CNTN5: variants seen among roughly 807,000 people sequenced by gnomAD.
CNTN5 encodes the protein contactin 5.
In CNTN5, 77 loss-of-function variants were observed where a neutral mutation model predicts 129.1. The observed-to-expected ratio is 0.60, with a 90% CI of 0.50 to 0.72. The LOEUF (loss-of-function observed/expected upper bound fraction) is 0.72, where lower values mean the gene tolerates loss of function less well. Among genes scored for constraint, CNTN5 ranks in the 30% least tolerant of loss-of-function variants. The pLI is 0.00. For synonymous variants in CNTN5, 509 were observed against 465.6 expected (o/e 1.09, Z -1.20); for missense variants, 1,478 against 1,328.8 (o/e 1.11, Z -1.75).
intron 1 of CNTN5, among the ~76,000 whole-genome samples, chr11:99,163,406 A>C (rs1860712732): frequency 6.2e-5 from 1 of 16,240 alleles, no homozygotes; most frequent in South Asian, 1.9e-3. Flanking sequence ...ATATTATTTG[A>C]GTTATGTATG....
At chr11:100,336,611 T>C (rs1175302460) in intron 21 of CNTN5, among the ~76,000 whole-genome samples, 1 of 152,228 alleles carries the variant, frequency 6.6e-6, no homozygotes, top group African/African-American at 2.4e-5. Flanking sequence ...TGATTTTACA[T>C]AGAGAGTTCA....
intron 13 of CNTN5, among the ~76,000 whole-genome samples, chr11:100,087,485 CAA>C (rs1356640124): frequency 6.6e-6 from 1 of 151,610 alleles, no homozygotes; most frequent in Non-Finnish European, 1.5e-5. Flanking sequence ...CAAAATTTGC[CAA>C]AGACAATATG....
At chr11:99,374,998 G>T (rs1940075647) in intron 2 of CNTN5, among the ~76,000 whole-genome samples, 1 of 152,100 alleles carries the variant, frequency 6.6e-6, no homozygotes, top group Admixed American at 6.5e-5. Flanking sequence ...AAGGAAACTA[G>T]ATCTGAAGAA....
At chr11:99,496,967 T>C (rs1356377186) in intron 2 of CNTN5, among the ~76,000 whole-genome samples, 1 of 152,220 alleles carries the variant, frequency 6.6e-6, no homozygotes, top group Non-Finnish European at 1.5e-5. Context: ...AATTCAAGTA[T>C]ACACTTCCAG....
chr11:99,048,309 G>T (rs1211060375), intron 1 of CNTN5, among the ~76,000 whole-genome samples: 1 of 151,900 alleles, frequency 6.6e-6, no homozygotes, highest in Non-Finnish European at 1.5e-5. Context: ...ACAGAACAAG[G>T]GTATCTCAGT....
rs540190462 is a variant in CNTN5 at position 99,667,860 on chromosome 11, C to T, written c.55+111591C>T. Among the ~76,000 whole-genome samples, 4 of 151,998 alleles carry T rather than the reference C, an allele frequency of 2.6e-5. No individual in the cohort carries two copies. The South Asian group carries it at 8.3e-4, about 32-fold the overall frequency. On this transcript the variant is annotated intron_variant, in intron 3 of 24. Coordinates refer to ENST00000524871, the MANE Select transcript of CNTN5 (RefSeq NM_014361.4). Reference sequence around the variant, plus strand: ...ATAGGTGTAGCAAACCACCATGGCACAGGTATATCTGTGTAACAAACCACC... The same window carrying T: ...ATAGGTGTAGCAAACCACCATGGCATAGGTATATCTGTGTAACAAACCACC...
Position 99,065,778 on chromosome 11 carries a change from G to A in CNTN5, c.-210+44508G>A, listed in dbSNP as rs1371982470. On this transcript the variant is annotated intron_variant, in intron 1 of 24. Transcript: ENST00000524871. ...CTTTATGTGACAAAAAGGAAAAGAA[G>A]AAAAAAAAAAAGCTTGATTCTTTTT... Among the ~76,000 whole-genome samples, 224 of 135,128 alleles carry A rather than the reference G, an allele frequency of 1.7e-3. 1 individual carries two copies. Among genetic ancestry groups the A allele is most frequent in the African/African-American group, 5.0e-3 (184 of 36,804 alleles). The allele number at this position is 135,128 out of a possible 152,430, so 88.6% of individuals were successfully genotyped here.
At chr11:99,682,564 A>G (rs1448420758) in intron 3 of CNTN5, among the ~76,000 whole-genome samples, 1 of 152,048 alleles carries the variant, frequency 6.6e-6, no homozygotes, top group African/African-American at 2.4e-5. Context: ...AGTAAACAAA[A>G]TATAATTCAA....
chr11:99,769,001 A>G (rs367603549), intron 3 of CNTN5, among the ~76,000 whole-genome samples: 1 of 151,296 alleles, frequency 6.6e-6, no homozygotes, highest in East Asian at 1.9e-4. Context: ...ATGACCTGGC[A>G]TTCCTCTGTT....
chr11:100,125,798 A>G (rs747876187), intron 13 of CNTN5, among the ~76,000 whole-genome samples: 1 of 151,896 alleles, frequency 6.6e-6, no homozygotes, highest in Non-Finnish European at 1.5e-5. Flanking sequence ...TTGGGTCTCA[A>G]TATTTCCTTC....
At chr11:100,282,459 C>A (rs914044119) in intron 18 of CNTN5, among the ~76,000 whole-genome samples, 1 of 152,210 alleles carries the variant, frequency 6.6e-6, no homozygotes, top group Non-Finnish European at 1.5e-5. Flanking sequence ...CTGTTCTGAG[C>A]CACCTGGAGC....
rs140807275 is a variant in CNTN5 at position 99,211,716 on chromosome 11, G to A, written c.-209-113630G>A. Among the ~76,000 whole-genome samples, 216 of 151,040 alleles carry A rather than the reference G, an allele frequency of 1.4e-3. 1 individual carries two copies. Among genetic ancestry groups the A allele is most frequent in the African/African-American group, 5.2e-3 (213 of 41,148 alleles). Reference sequence around the variant, plus strand: ...ATTTGTTTCATGTTTTTATGCTATCGTATTTTCAGTTTTGAAGCTTGAATT... The same window carrying A: ...ATTTGTTTCATGTTTTTATGCTATCATATTTTCAGTTTTGAAGCTTGAATT... On this transcript the variant is annotated intron_variant, in intron 1 of 24. Transcript: ENST00000524871.
At position 99,855,949 on chromosome 11, in the gene CNTN5, A is replaced by G. The variant is rs188492277; in HGVS notation, c.577+10687A>G. Reference sequence around the variant, plus strand: ...ATTATCATAATAAAACTAGAAACCAATATACTCTTTCCATAATTCTCTAAC... The same window carrying G: ...ATTATCATAATAAAACTAGAAACCAGTATACTCTTTCCATAATTCTCTAAC... On this transcript the variant is annotated intron_variant, in intron 6 of 24. Transcript: ENST00000524871. Among the ~76,000 whole-genome samples the G allele has an allele frequency of 2.0e-4, 30 of 152,316 alleles. No homozygotes were observed. In the East Asian group the frequency reaches 5.0e-3, roughly 25 times the overall value.
At chr11:99,682,650 T>C (rs1319427137) in intron 3 of CNTN5, among the ~76,000 whole-genome samples, 1 of 151,912 alleles carries the variant, frequency 6.6e-6, no homozygotes, top group Non-Finnish European at 1.5e-5. Flanking sequence ...ACTCACCTAT[T>C]ACAATAAAAA....
At chr11:99,492,684 G>T (rs10893409) in intron 2 of CNTN5, among the ~76,000 whole-genome samples, 39,523 of 151,862 alleles carry the variant, frequency 0.26, 5,552 homozygotes, top group East Asian at 0.43. Flanking sequence ...ATTAACAAGA[G>T]AAAAACATAA....
intron 1 of CNTN5, among the ~76,000 whole-genome samples, chr11:99,114,066 T>C (rs1387114931): frequency 6.6e-6 from 1 of 152,162 alleles, no homozygotes; most frequent in Non-Finnish European, 1.5e-5. Context: ...TAGTGATTTA[T>C]TTTACTTATT....
intron 18 of CNTN5, among the ~76,000 whole-genome samples, chr11:100,283,687 T>A (rs1171466628): frequency 6.6e-6 from 1 of 152,172 alleles, no homozygotes; most frequent in Non-Finnish European, 1.5e-5. Context: ...GGCTCACACC[T>A]GTAATCCCAG....
At chr11:99,517,379 C>CAT in intron 2 of CNTN5, among the ~76,000 whole-genome samples, 1 of 152,214 alleles carries the variant, frequency 6.6e-6, no homozygotes. Flanking sequence ...CAATGCAAAA[C>CAT]TAATCACATG....
chr11:99,139,284 AAAC>A (rs1006384516), intron 1 of CNTN5, among the ~76,000 whole-genome samples: 4 of 152,308 alleles, frequency 2.6e-5, no homozygotes, highest in African/African-American at 9.6e-5. Flanking sequence ...ACGCAAAACA[AAAC>A]AACAACAAAA....
Sources: allele counts gnomAD v4.1 joint callset (sites outside exome capture counted in the v4.1 genomes callset), GRCh38; gene constraint gnomAD v4.1.1; transcripts MANE v1.5; gene names NCBI Gene and HGNC (gene_info 2026-07-23, HGNC 2026-07-21).